WDR12: variants seen among roughly 807,000 people sequenced by gnomAD.
The protein encoded by WDR12 is ribosome biogenesis protein WDR12.
Under a neutral mutation model 64.3 loss-of-function variants are expected in WDR12, and 42 were observed. The observed-to-expected ratio is 0.65, with a 90% CI of 0.51 to 0.84. The LOEUF (loss-of-function observed/expected upper bound fraction) is 0.84, where lower values mean the gene tolerates loss of function less well. Ranked by LOEUF, WDR12 falls within the 40% of genes least tolerant of loss-of-function variation. The pLI is 0.00. For synonymous variants in WDR12, 158 were observed against 173.3 expected (o/e 0.91, Z 0.70); for missense variants, 469 against 494.6 (o/e 0.95, Z 0.49).
At chr2:202,908,828 A>G (rs1158710695) in intron 1 of WDR12, among the ~76,000 whole-genome samples, 1 of 152,220 alleles carries the variant, frequency 6.6e-6, no homozygotes, top group Non-Finnish European at 1.5e-5. Flanking sequence ...GTGAGAAAAT[A>G]TTTGCAAATC....
intron 8 of WDR12, among the ~76,000 whole-genome samples, chr2:202,889,428 T>C (rs1038563157): frequency 1.3e-5 from 2 of 152,182 alleles, no homozygotes; most frequent in African/African-American, 2.4e-5. Flanking sequence ...GGCTATGAGG[T>C]GGGAGGACTG....
At chr2:202,883,588 T>C (rs369287101) in intron 11 of WDR12, 21 bp downstream of exon 11, 9 of 1,608,598 alleles carry the variant, frequency 5.6e-6, no homozygotes, top group African/African-American at 2.7e-5. Context: ...GTTTCTCTTA[T>C]AGATCATAAA....
chr2:202,898,067 A>G (rs572784947), intron 4 of WDR12, among the ~76,000 whole-genome samples: 10 of 32,538 alleles, frequency 3.1e-4, no homozygotes, highest in Admixed American at 2.9e-3. Context: ...TTAATATTCC[A>G]AAACCACCCC....
Position 202,901,053 on chromosome 2 carries a change from T to A in WDR12, c.203A>T (p.Lys68Ile). 2 of 1,593,946 alleles carry A rather than the reference T, an allele frequency of 1.3e-6. No individual in the cohort carries two copies. Among genetic ancestry groups the A allele is most frequent in the Non-Finnish European group, 1.7e-6 (2 of 1,166,166 alleles). ...TGAGATGTTCTCCATTTCCATGTGT[T>A]TGTCCAAGGGCATTCGCAGAAACTG... ...KGQFLRMPLD[K>I]HMEMENISSE... Residue 68 changes from lysine (K) to isoleucine (I), a missense_variant, in exon 3 of 13, where the codon AAA becomes ATA. Coordinates refer to ENST00000261015, the MANE Select transcript of WDR12 (RefSeq NM_018256.4).
chr2:202,903,464 G>C (rs1039717580), intron 2 of WDR12, among the ~76,000 whole-genome samples: 104 of 67,544 alleles, frequency 1.5e-3, no homozygotes, highest in Middle Eastern at 4.8e-3. Flanking sequence ...AGGAAGGAAG[G>C]AAGGAAGGAA....
chr2:202,903,968 G>C (rs534944923), intron 2 of WDR12, among the ~76,000 whole-genome samples: 2 of 151,496 alleles, frequency 1.3e-5, no homozygotes, highest in Non-Finnish European at 2.9e-5. Flanking sequence ...TGAAACCAAG[G>C]CTGTACTAAA....
chr2:202,893,295 T>C (rs1688185595), intron 7 of WDR12, among the ~76,000 whole-genome samples: 1 of 152,160 alleles, frequency 6.6e-6, no homozygotes, highest in Non-Finnish European at 1.5e-5. Context: ...TTATGTTACA[T>C]TAAATATGTA....
chr2:202,893,673 T>C (rs72934763), intron 7 of WDR12, among the ~76,000 whole-genome samples: 13,527 of 152,178 alleles, frequency 0.089, 740 homozygotes, highest in Non-Finnish European at 0.12. Flanking sequence ...GTATTCTGAT[T>C]TGTTTACCTA....
chr2:202,901,233 TTC>T (rs1466032157), intron 2 of WDR12, 114 bp from the exon 3 acceptor site: 2 of 558,764 alleles, frequency 3.6e-6, no homozygotes, highest in Non-Finnish European at 5.8e-6. Context: ...TGGCCTGAGT[TTC>T]TCTGTGATTT....
At chr2:202,882,106 T>G (rs1559157775) in intron 12 of WDR12, among the ~76,000 whole-genome samples, 2 of 151,966 alleles carry the variant, frequency 1.3e-5, no homozygotes, top group Admixed American at 6.6e-5. Context: ...AATTTTTTAA[T>G]TTTTGTAGAG....
In WDR12 at chr2:202,877,465, T is replaced by A. The variant is rs1452074142; in HGVS notation, c.*3395A>T. The A allele has an allele frequency of 6.6e-6, 1 of 151,926 alleles. No individual in the cohort carries two copies. The highest frequency in any genetic ancestry group is 2.1e-4 in the South Asian group (1 of 4,824). The allele number at this position is 151,926 out of a possible 1,614,324, so 9.4% of individuals were successfully genotyped here. On this transcript the variant is annotated 3_prime_UTR_variant, in exon 13 of 13. Coordinates refer to ENST00000261015, the MANE Select transcript of WDR12 (RefSeq NM_018256.4). ...GAGTTCAAGACCAGCATGGGCTACA[T>A]GGCGAAACCCTCTCTCTACAAAAAA... is the stretch of plus-strand genomic sequence containing the variant.
Position 202,880,861 on chromosome 2 carries a change from C to A in WDR12, c.1271G>T (p.Ter424LeuextTer2). The A allele has an allele frequency of 6.2e-7, 1 of 1,608,946 alleles. No homozygotes were observed. Among genetic ancestry groups the A allele is most frequent in the Non-Finnish European group, 8.5e-7 (1 of 1,177,754 alleles). ...CTATAGTCAAATTATTGTTCACTTT[C>A]ATGCCCCAACATGGGAAGTGGTAGG... is the stretch of plus-strand genomic sequence containing the variant. ...YSPTTSHVGA* is the reference protein window; with the variant it reads ...YSPTTSHVGAL The change falls in exon 13 of 13, where the codon TGA (stop) becomes TTA (leucine). Residue 424 changes from the stop codon to leucine, a stop_lost. Coordinates refer to ENST00000261015, the MANE Select transcript of WDR12 (RefSeq NM_018256.4).
At chr2:202,895,509 A>C (rs911019682) in intron 6 of WDR12, among the ~76,000 whole-genome samples, 2 of 139,240 alleles carry the variant, frequency 1.4e-5, no homozygotes, top group South Asian at 4.5e-4. Flanking sequence ...TGTTTACTTC[A>C]TTTCTTTCTT....
chr2:202,911,097 C>T (rs1688608786), intron 1 of WDR12, among the ~76,000 whole-genome samples: 1 of 152,164 alleles, frequency 6.6e-6, no homozygotes, highest in Non-Finnish European at 1.5e-5. Context: ...TATAGATATA[C>T]ATAAATGGTA....
At chr2:202,897,964 T>G (rs1688282478) in intron 4 of WDR12, among the ~76,000 whole-genome samples, 1 of 144,736 alleles carries the variant, frequency 6.9e-6, no homozygotes, top group Non-Finnish European at 1.5e-5. Flanking sequence ...ATAAAATTAC[T>G]TTCAGGCTAG....
intron 8 of WDR12, among the ~76,000 whole-genome samples, chr2:202,886,770 A>C (rs1688056200): frequency 6.6e-6 from 1 of 150,858 alleles, no homozygotes; most frequent in Non-Finnish European, 1.5e-5. Context: ...TCCATCTCAA[A>C]AAAAAAAAAA....
chr2:202,900,975 T>C, intron 3 of WDR12, 50 bp downstream of exon 3: 5 of 1,476,346 alleles, frequency 3.4e-6, no homozygotes, highest in East Asian at 2.3e-5. Context: ...TTACCTACAA[T>C]AGCCGATAAT....
intron 2 of WDR12, among the ~76,000 whole-genome samples, chr2:202,902,762 G>C (rs762182087): frequency 6.6e-6 from 1 of 152,104 alleles, no homozygotes; most frequent in Non-Finnish European, 1.5e-5. Context: ...ACAGCCTATC[G>C]TAGGACTTCA....
At chr2:202,887,670 T>C (rs1170835647) in intron 8 of WDR12, among the ~76,000 whole-genome samples, 2 of 150,104 alleles carry the variant, frequency 1.3e-5, no homozygotes, top group Admixed American at 6.6e-5. Flanking sequence ...GGGTGGATCA[T>C]GAGGTCAGGA....
Sources: gnomAD v4.1 joint callset for allele counts (sites outside exome capture counted in the v4.1 genomes callset) on GRCh38, gnomAD v4.1.1 for gene constraint, MANE v1.5 for transcripts, NCBI Gene and HGNC (gene_info 2026-07-23, HGNC 2026-07-21) for gene names.